GAN: variants seen among roughly 807,000 people sequenced by gnomAD.
GAN encodes the protein epididymis secretory sperm binding protein.
A neutral mutation model predicts 71.3 loss-of-function variants in GAN; 48 were observed. The ratio of observed to expected loss-of-function variants is 0.67; its 90% CI spans 0.53 to 0.86. The LOEUF (loss-of-function observed/expected upper bound fraction) is 0.86, where lower values mean the gene tolerates loss of function less well. GAN is among the 40% of genes least tolerant of loss of function. The probability of loss-of-function intolerance (pLI) is 0.00; values close to 1 mark genes in which losing one functional copy is unlikely to be tolerated. For synonymous variants in GAN, 386 were observed against 276.8 expected (o/e 1.39, Z -3.92); for missense variants, 928 against 770.1 (o/e 1.21, Z -2.43).
chr16:81,320,179 T>C (rs1909179914), intron 1 of GAN, among the ~76,000 whole-genome samples: 1 of 152,240 alleles, frequency 6.6e-6, no homozygotes, highest in Non-Finnish European at 1.5e-5. Context: ...CAGATGATAC[T>C]GATGAAACTA....
At position 81,334,756 on chromosome 16, in the gene GAN, C is replaced by T. The variant is rs72833393; in HGVS notation, c.168-16827C>T. Among the ~76,000 whole-genome samples the T allele has an allele frequency of 2.4e-3, 372 of 152,276 alleles. 2 individuals are homozygous for T. Among genetic ancestry groups the T allele is most frequent in the Non-Finnish European group, 4.0e-3 (275 of 68,028 alleles). On this transcript the variant is annotated intron_variant, in intron 1 of 10. Transcript: ENST00000648994. ...TGCAGAAAAGCTCACAACCACTCAG[C>T]CGGTTCATGATGCCATTCTAAACAG...
intron 1 of GAN, among the ~76,000 whole-genome samples, chr16:81,342,408 A>G (rs1199807142): frequency 6.6e-6 from 1 of 152,240 alleles, no homozygotes; most frequent in Non-Finnish European, 1.5e-5. Context: ...GCAAATGTAA[A>G]AGAACAGAAA....
At chr16:81,365,990 C>G (rs1178864168) in intron 9 of GAN, among the ~76,000 whole-genome samples, 1 of 152,138 alleles carries the variant, frequency 6.6e-6, no homozygotes, top group African/African-American at 2.4e-5. Context: ...GCCACTTTCC[C>G]CTGCAAACAT....
Position 81,315,077 on chromosome 16 carries a change from G to A in GAN, c.-37G>A, listed in dbSNP as rs1029825502. The A allele has an allele frequency of 9.0e-6, 13 of 1,446,202 alleles. No homozygotes were observed. The highest frequency in any genetic ancestry group is 1.2e-5 in the Non-Finnish European group (13 of 1,092,092). 89.6% of individuals were successfully genotyped at this position (1,446,202 alleles called of 1,614,324 possible). A position where few individuals can be genotyped will look rare whatever the true frequency, so the allele number is the denominator to read the frequency against. On this transcript the variant is annotated 5_prime_UTR_variant, in exon 1 of 11. Coordinates refer to ENST00000648994, the MANE Select transcript of GAN (RefSeq NM_022041.4). ...TCGAGGGGTCCGGCCGGACGGTGTC[G>A]GGAGCCGGACCCGTCGGCAGAGGAG...
At chr16:81,351,840 T>C in intron 2 of GAN, 143 bp downstream of exon 2, 1 of 705,010 alleles carries the variant, frequency 1.4e-6, no homozygotes, top group Non-Finnish European at 2.6e-6. Context: ...CATTTCCTAC[T>C]GGTAATGGCA....
chr16:81,328,431 C>T (rs936192578), intron 1 of GAN, among the ~76,000 whole-genome samples: 1 of 152,198 alleles, frequency 6.6e-6, no homozygotes, highest in Non-Finnish European at 1.5e-5. Flanking sequence ...ATGTCATTCT[C>T]TTTGCCATTT....
At chr16:81,343,330 G>A (rs554129767) in intron 1 of GAN, among the ~76,000 whole-genome samples, 2 of 152,200 alleles carry the variant, frequency 1.3e-5, no homozygotes, top group African/African-American at 4.8e-5. Flanking sequence ...AGAATTTTAG[G>A]CCAATATCCC....
chr16:81,373,497 T>A (rs1904274420), intron 9 of GAN, among the ~76,000 whole-genome samples: 1 of 152,246 alleles, frequency 6.6e-6, no homozygotes, highest in Admixed American at 6.5e-5. Context: ...GCAGAAATAG[T>A]TAAAGAGTTC....
intron 1 of GAN, among the ~76,000 whole-genome samples, chr16:81,336,255 C>T (rs1487614964): frequency 6.6e-6 from 1 of 152,138 alleles, no homozygotes; most frequent in Non-Finnish European, 1.5e-5. Context: ...GTGTCTCAGA[C>T]GTCTGTGGAA....
intron 1 of GAN, among the ~76,000 whole-genome samples, chr16:81,328,577 T>A (rs1909465758): frequency 6.6e-6 from 1 of 152,222 alleles, no homozygotes; most frequent in African/African-American, 2.4e-5. Context: ...GATTTGTTAT[T>A]TGTTGTGTGA....
Position 81,380,393 on chromosome 16 carries a change from T to A in GAN, c.*2797T>A, listed in dbSNP as rs1249346151. ...TCTCAGGTTAGAATAAGTAAATATT[T>A]AAAGAACCTCTCCTAGGCTGCAGTC... On this transcript the variant is annotated 3_prime_UTR_variant, in exon 11 of 11. Transcript: ENST00000648994. The A allele has an allele frequency of 6.6e-6, 1 of 152,652 alleles. No individual in the cohort carries two copies. Among genetic ancestry groups the A allele is most frequent in the Non-Finnish European group, 1.5e-5 (1 of 68,040 alleles). The allele number at this position is 152,652 out of a possible 1,614,324, so 9.5% of individuals were successfully genotyped here. A position where few individuals can be genotyped will look rare whatever the true frequency, so the allele number is the denominator to read the frequency against.
chr16:81,363,673 G>A (rs557296616), intron 6 of GAN, 121 bp from the exon 7 acceptor site: 1 of 931,068 alleles, frequency 1.1e-6, no homozygotes, highest in Non-Finnish European at 1.8e-6. Context: ...CTTGCTCTAG[G>A]AGTCCCCATT....
At chr16:81,316,348 A>T (rs1202647671) in intron 1 of GAN, among the ~76,000 whole-genome samples, 1 of 28,804 alleles carries the variant, frequency 3.5e-5, no homozygotes, top group Admixed American at 5.4e-4. Context: ...ACCACCACGC[A>T]CGCTACACTT....
chr16:81,339,482 A>G (rs1039130801), intron 1 of GAN, among the ~76,000 whole-genome samples: 2 of 152,200 alleles, frequency 1.3e-5, no homozygotes, highest in Non-Finnish European at 2.9e-5. Context: ...TGTACATGTA[A>G]TCATCAAGCA....
chr16:81,338,720 G>C (rs1909846769), intron 1 of GAN, among the ~76,000 whole-genome samples: 3 of 152,224 alleles, frequency 2.0e-5, no homozygotes. Context: ...AATTAGAAAG[G>C]AACGGTGACT....
At chr16:81,365,231 C>A in intron 8 of GAN, 119 bp from the exon 9 acceptor site, 2 of 1,569,052 alleles carry the variant, frequency 1.3e-6, no homozygotes, top group African/African-American at 2.7e-5. Flanking sequence ...CTTGGCATTT[C>A]CTGAGAAAGG....
At chr16:81,365,606 C>T (rs1251773893) in intron 9 of GAN, 128 bp downstream of exon 9, 4 of 885,552 alleles carry the variant, frequency 4.5e-6, no homozygotes, top group Non-Finnish European at 7.6e-6. Flanking sequence ...ACGTCTCATG[C>T]ATACTAGATA....
At chr16:81,337,173 T>A (rs1909792312) in intron 1 of GAN, among the ~76,000 whole-genome samples, 1 of 152,122 alleles carries the variant, frequency 6.6e-6, no homozygotes, top group South Asian at 2.1e-4. Context: ...CCTACAGGAA[T>A]GTGAATTATT....
At chr16:81,340,859 T>C (rs190891993) in intron 1 of GAN, among the ~76,000 whole-genome samples, 191 of 152,166 alleles carry the variant, frequency 1.3e-3, no homozygotes, top group Middle Eastern at 3.4e-3. Context: ...TAAAGGAGCA[T>C]GTTTTAACCC....
Sources: allele counts gnomAD v4.1 joint callset (sites outside exome capture counted in the v4.1 genomes callset), GRCh38; gene constraint gnomAD v4.1.1; transcripts MANE v1.5; gene names NCBI Gene and HGNC (gene_info 2026-07-23, HGNC 2026-07-21).